Variants in RHPN2 observed in about 807,000 individuals in gnomAD.
The protein encoded by RHPN2 is rhophilin Rho GTPase binding protein 2.
RHPN2 carries 40 observed loss-of-function variants against 79.0 expected under a neutral mutation model. The ratio of observed to expected loss-of-function variants is 0.51; its 90% CI spans 0.39 to 0.66. The LOEUF (loss-of-function observed/expected upper bound fraction) is 0.66, where lower values mean the gene tolerates loss of function less well. Ranked by LOEUF, RHPN2 falls within the 30% of genes least tolerant of loss-of-function variation. The pLI, the probability that RHPN2 is intolerant of heterozygous loss-of-function variation, is 0.00. For missense variants in RHPN2, 686 were observed against 883.5 expected (o/e 0.78, Z 2.83); for synonymous variants, 285 against 363.5 (o/e 0.78, Z 2.46).
chr19:33,000,549 C>A lies in RHPN2; in HGVS notation c.1106-844G>T, dbSNP rs976835683. ...TTGACCCTGAGCCCCCACACGCTACCTCCTCCAACTCACCCACCACACAGA... is the reference window on the plus strand; with the variant it reads ...TTGACCCTGAGCCCCCACACGCTACATCCTCCAACTCACCCACCACACAGA... On this transcript the variant is annotated intron_variant, in intron 9 of 14. Coordinates refer to ENST00000254260, the MANE Select transcript of RHPN2 (RefSeq NM_033103.5). 2.0e-5 allele frequency among the ~76,000 whole-genome samples: 3 copies of A among 152,142 alleles called. 1 individual carries two copies. The highest frequency in any genetic ancestry group is 1.3e-4 in the Admixed American group (2 of 15,254).
At chr19:33,064,755 T>TGGGGGGGCCCCCC in intron 1 of RHPN2, 29 bp downstream of exon 1, 1 of 1,427,948 alleles carries the variant, frequency 7.0e-7, no homozygotes, top group Non-Finnish European at 9.4e-7. Context: ...AGCCCGCAGG[T>TGGGGGGGCCCCCC]CCCCGCCCGC....
At position 33,016,820 on chromosome 19, in the gene RHPN2, C is replaced by A. The variant is rs557059631; in HGVS notation, c.391-4096G>T. On this transcript the variant is annotated intron_variant, in intron 4 of 14. Transcript: ENST00000254260. ...AGTCTGCTGAACCACTTCTGCAGTACCTGTGTTTCTATCAAATATGGAAGG... is the reference window on the plus strand; with the variant it reads ...AGTCTGCTGAACCACTTCTGCAGTAACTGTGTTTCTATCAAATATGGAAGG... Among the ~76,000 whole-genome samples the A allele has an allele frequency of 3.3e-5, 5 of 152,306 alleles. No individual in the cohort carries two copies. In the East Asian group the frequency reaches 9.6e-4, roughly 29 times the overall value.
chr19:33,052,803 CCCAG>C, intron 1 of RHPN2, among the ~76,000 whole-genome samples: 1 of 152,216 alleles, frequency 6.6e-6, no homozygotes, highest in Middle Eastern at 3.4e-3. Context: ...GAGGTGAGGG[CCCAG>C]CCGCCTCCCC....
At chr19:33,002,574 CAG>C (rs1971758513) in intron 8 of RHPN2, among the ~76,000 whole-genome samples, 171 bp from the exon 9 acceptor site, 2 of 152,140 alleles carry the variant, frequency 1.3e-5, no homozygotes, top group Admixed American at 1.3e-4. Flanking sequence ...TCACAGTTAA[CAG>C]GGGGATCAGG....
chr19:33,007,937 T>C (rs2304108), intron 7 of RHPN2, 77 bp downstream of exon 7: 666,088 of 1,501,928 alleles, frequency 0.44, 150,713 homozygotes, highest in South Asian at 0.53. Flanking sequence ...GACCTGTAGA[T>C]TCTCTTCAGT....
chr19:32,986,725 C>T (rs1402909038), intron 14 of RHPN2, among the ~76,000 whole-genome samples: 36 of 147,190 alleles, frequency 2.4e-4, no homozygotes, highest in East Asian at 4.1e-4. Context: ...ATCCAGGAGG[C>T]GGAGGTTGCA....
chr19:33,034,208 C>T (rs927529994), intron 2 of RHPN2, among the ~76,000 whole-genome samples: 1 of 151,882 alleles, frequency 6.6e-6, no homozygotes. Context: ...CGCGGTGGCT[C>T]ACGCCTGTAA....
intron 7 of RHPN2, among the ~76,000 whole-genome samples, chr19:33,006,308 C>T (rs1322451236): frequency 2.0e-5 from 3 of 152,094 alleles, no homozygotes; most frequent in Non-Finnish European, 2.9e-5. Context: ...GTGATCTTCC[C>T]GTCTTAGCCA....
At chr19:33,003,622 C>A (rs1971768583) in intron 7 of RHPN2, among the ~76,000 whole-genome samples, 1 of 152,024 alleles carries the variant, frequency 6.6e-6, no homozygotes, top group Non-Finnish European at 1.5e-5. Context: ...TGTGGCCTAT[C>A]CATACAACAG....
chr19:33,024,338 C>A (rs538956266), intron 3 of RHPN2, among the ~76,000 whole-genome samples: 1 of 152,246 alleles, frequency 6.6e-6, no homozygotes, highest in East Asian at 1.9e-4. Context: ...GAGGCTGAGG[C>A]AGGAGGATTG....
chr19:33,044,180 C>T lies in RHPN2; in HGVS notation c.185+69G>A, dbSNP rs1327175512. The T allele has an allele frequency of 5.8e-6, 7 of 1,216,048 alleles. No individual in the cohort carries two copies. In the Admixed American group the frequency reaches 8.4e-5, roughly 15 times the overall value. The allele number at this position is 1,216,048 out of a possible 1,614,324, so 75.3% of individuals were successfully genotyped here. On this transcript the variant is annotated intron_variant, in intron 2 of 14. Transcript: ENST00000254260. ...GGAAACCCAAAGCTGAAACCAAGAG[C>T]CTGGCCTGGGAGTTTAGGGAACAGA...
chr19:33,064,755 T>G, intron 1 of RHPN2, 29 bp downstream of exon 1: 2 of 1,427,862 alleles, frequency 1.4e-6, no homozygotes, highest in Non-Finnish European at 1.9e-6. Context: ...AGCCCGCAGG[T>G]CCCCGCCCGC....
chr19:33,021,927 A>G (rs1272273920), intron 3 of RHPN2, among the ~76,000 whole-genome samples: 3 of 151,718 alleles, frequency 2.0e-5, no homozygotes, highest in Non-Finnish European at 4.4e-5. Flanking sequence ...TCAATGCCTC[A>G]ATGGTTCCTT....
intron 7 of RHPN2, among the ~76,000 whole-genome samples, chr19:33,006,066 G>C (rs1041648337): frequency 6.6e-6 from 1 of 152,076 alleles, no homozygotes; most frequent in Non-Finnish European, 1.5e-5. Flanking sequence ...TTTTTGTAGA[G>C]ATGGAGTTTC....
chr19:32,989,874 G>A (rs1971640765), intron 14 of RHPN2, among the ~76,000 whole-genome samples: 1 of 152,154 alleles, frequency 6.6e-6, no homozygotes, highest in Non-Finnish European at 1.5e-5. Flanking sequence ...GGAGGCCGAG[G>A]CTGGCAGATC....
intron 10 of RHPN2, among the ~76,000 whole-genome samples, 199 bp downstream of exon 10, chr19:32,999,387 G>C (rs1971730230): frequency 6.6e-6 from 1 of 152,114 alleles, no homozygotes; most frequent in African/African-American, 2.4e-5. Context: ...TGGGTGCTAT[G>C]GAACCCATGA....
chr19:33,013,934 G>A (rs1971857982), intron 4 of RHPN2, among the ~76,000 whole-genome samples: 2 of 151,724 alleles, frequency 1.3e-5, no homozygotes, highest in South Asian at 4.2e-4. Context: ...GAGTGCAGTG[G>A]TGCGATCGCG....
chr19:33,032,722 T>TCACCC (rs10653116), intron 2 of RHPN2, among the ~76,000 whole-genome samples: 14,261 of 152,248 alleles, frequency 0.094, 838 homozygotes, highest in African/African-American at 0.16. Context: ...CTGATAATGT[T>TCACCC]CACAAGGATT....
intron 14 of RHPN2, among the ~76,000 whole-genome samples, chr19:32,988,017 C>T (rs1971624443): frequency 6.6e-6 from 1 of 151,768 alleles, no homozygotes; most frequent in African/African-American, 2.4e-5. Context: ...CCCATCTCTA[C>T]CAAAAAAAAT....
Sources: gnomAD v4.1 joint callset for allele counts (sites outside exome capture counted in the v4.1 genomes callset) on GRCh38, gnomAD v4.1.1 for gene constraint, MANE v1.5 for transcripts, NCBI Gene and HGNC (gene_info 2026-07-23, HGNC 2026-07-21) for gene names.